The following GABRG3 variants were observed in gnomAD, a reference collection of about 807,000 sequenced individuals.
The protein encoded by GABRG3 is gamma-aminobutyric acid type A receptor subunit gamma3, also known as gamma-aminobutyric acid receptor subunit gamma-3.
A neutral mutation model predicts 48.8 loss-of-function variants in GABRG3; 25 were observed. The ratio of observed to expected loss-of-function variants is 0.51; its 90% CI spans 0.37 to 0.72. The LOEUF (loss-of-function observed/expected upper bound fraction) is 0.72, where lower values mean the gene tolerates loss of function less well. Among genes scored for constraint, GABRG3 ranks in the 30% least tolerant of loss-of-function variants. The pLI is 0.00. For synonymous variants in GABRG3, 227 were observed against 217.6 expected, an observed-to-expected ratio of 1.04 and a Z score of -0.38; for missense variants, 394 against 577.9, an observed-to-expected ratio of 0.68 and a Z score of 3.26.
At chr15:27,482,471 A>C (rs1016435428) in intron 6 of GABRG3, among the ~76,000 whole-genome samples, 5 of 127,424 alleles carry the variant, frequency 3.9e-5, no homozygotes, top group African/African-American at 1.3e-4. Context: ...TTGCTTGCTA[A>C]ATGATTGACA....
intron 3 of GABRG3, among the ~76,000 whole-genome samples, chr15:27,058,085 C>T (rs1566922964): frequency 1.3e-5 from 2 of 152,226 alleles, no homozygotes; most frequent in South Asian, 4.1e-4. Context: ...GGCTGCATTT[C>T]GTGCTCATCT....
At chr15:27,146,833 A>G (rs1450651884) in intron 3 of GABRG3, among the ~76,000 whole-genome samples, 1 of 152,146 alleles carries the variant, frequency 6.6e-6, no homozygotes. Context: ...GTGATGCACT[A>G]TAAAATATTC....
At chr15:27,404,503 T>C (rs960659078) in intron 5 of GABRG3, among the ~76,000 whole-genome samples, 1 of 152,180 alleles carries the variant, frequency 6.6e-6, no homozygotes, top group African/African-American at 2.4e-5. Context: ...GCTCTAGAGC[T>C]TGTGCCTATG....
At chr15:26,977,179 G>C (rs1245886057) in intron 2 of GABRG3, 29 bp downstream of exon 2, 4 of 1,597,642 alleles carry the variant, frequency 2.5e-6, no homozygotes, top group Non-Finnish European at 3.4e-6. Flanking sequence ...TATTCTAATA[G>C]AAAAATATGC....
intron 5 of GABRG3, among the ~76,000 whole-genome samples, chr15:27,388,250 G>A (rs1595721425): frequency 1.6e-5 from 1 of 63,582 alleles, no homozygotes; most frequent in Non-Finnish European, 3.0e-5. Context: ...GGGAGGAAAG[G>A]AAGGAAGGAA....
intron 5 of GABRG3, among the ~76,000 whole-genome samples, chr15:27,355,883 C>A (rs1408763970): frequency 6.6e-6 from 1 of 152,088 alleles, no homozygotes; most frequent in African/African-American, 2.4e-5. Flanking sequence ...CAGTATGATT[C>A]CACTTATATG....
intron 2 of GABRG3, among the ~76,000 whole-genome samples, chr15:27,003,361 T>G (rs372485128): frequency 2.0e-5 from 3 of 151,626 alleles, no homozygotes; most frequent in Non-Finnish European, 4.4e-5. Context: ...TAGGCAGAGG[T>G]CCCTGCGGCC....
In GABRG3 at chr15:27,308,057, CAT is replaced by C. The variant is rs1165478786; in HGVS notation, c.271-18746_271-18745del. ...TATATGTAAATGTATATAATATAAA[CAT>C]ATATAAACATATATGTTTATACATC... is the stretch of plus-strand genomic sequence containing the variant. On this transcript the variant is annotated intron_variant, in intron 3 of 9. Transcript: ENST00000615808. Among the ~76,000 whole-genome samples the C allele has an allele frequency of 2.3e-5, 3 of 131,010 alleles. 1 individual carries two copies. The highest frequency in any genetic ancestry group is 6.0e-5 in the African/African-American group (2 of 33,094). The allele number at this position is 131,010 out of a possible 152,430, so 85.9% of individuals were successfully genotyped here.
intron 3 of GABRG3, among the ~76,000 whole-genome samples, chr15:27,306,093 A>C (rs1262865474): frequency 1.7e-5 from 2 of 118,118 alleles, no homozygotes; most frequent in Non-Finnish European, 3.3e-5. Context: ...ATAAACCTAT[A>C]TGTTTATATA....
At chr15:27,055,610 T>C (rs1183569770) in intron 3 of GABRG3, among the ~76,000 whole-genome samples, 2 of 152,220 alleles carry the variant, frequency 1.3e-5, no homozygotes, top group African/African-American at 4.8e-5. Flanking sequence ...TAAAATTACC[T>C]TCAGGCTACA....
intron 3 of GABRG3, among the ~76,000 whole-genome samples, chr15:27,090,984 A>T (rs533918418): frequency 6.6e-6 from 1 of 152,142 alleles, no homozygotes; most frequent in Admixed American, 6.5e-5. Flanking sequence ...TACTATTTGG[A>T]TGCCTTTTAC....
At chr15:27,308,719 A>AAC (rs1211990271) in intron 3 of GABRG3, among the ~76,000 whole-genome samples, 6 of 149,466 alleles carry the variant, frequency 4.0e-5, no homozygotes, top group African/African-American at 1.2e-4. Context: ...TTTATATGTA[A>AAC]ACATAATGTA....
chr15:27,220,443 G>A (rs1445558548), intron 3 of GABRG3, among the ~76,000 whole-genome samples: 1 of 152,112 alleles, frequency 6.6e-6, no homozygotes, highest in African/African-American at 2.4e-5. Context: ...GCCACAGTAT[G>A]CGGGGCCAGA....
chr15:27,092,098 G>A (rs1897195690), intron 3 of GABRG3, among the ~76,000 whole-genome samples: 1 of 152,090 alleles, frequency 6.6e-6, no homozygotes, highest in African/African-American at 2.4e-5. Context: ...CTTTTACTGT[G>A]GAGTTTAAAG....
intron 2 of GABRG3, among the ~76,000 whole-genome samples, chr15:27,000,404 C>G (rs1895421914): frequency 6.6e-6 from 1 of 152,162 alleles, no homozygotes. Context: ...ACTACTGAGT[C>G]AAGATTTTCC....
intron 6 of GABRG3, among the ~76,000 whole-genome samples, chr15:27,510,929 G>A (rs1391791650): frequency 6.6e-6 from 1 of 152,154 alleles, no homozygotes; most frequent in East Asian, 1.9e-4. Flanking sequence ...TCATAAAAGT[G>A]AATGGTAAGG....
intron 3 of GABRG3, among the ~76,000 whole-genome samples, chr15:27,093,288 A>AT (rs1281775819): frequency 6.6e-6 from 1 of 152,296 alleles, no homozygotes; most frequent in Non-Finnish European, 1.5e-5. Flanking sequence ...CACTTACTGC[A>AT]TGACAGTGAG....
chr15:27,268,261 C>T (rs1327445058), intron 3 of GABRG3, among the ~76,000 whole-genome samples: 1 of 152,054 alleles, frequency 6.6e-6, no homozygotes, highest in Non-Finnish European at 1.5e-5. Flanking sequence ...TGCAATTTGG[C>T]CATTTGTGTT....
rs1040304010 is a variant in GABRG3 at position 27,459,226 on chromosome 15, C to T, written c.575-21424C>T. Among the ~76,000 whole-genome samples, 16 of 152,334 alleles carry T rather than the reference C, an allele frequency of 1.1e-4. No individual in the cohort carries two copies. The South Asian group carries it at 1.7e-3, about 16-fold the overall frequency. ...GTGAGAAAGAGAGCCTTGGCAGGCT[C>T]GGTCCCATACAGTAGAGTCTTGTGT... is the stretch of plus-strand genomic sequence containing the variant. On this transcript the variant is annotated intron_variant, in intron 5 of 9. Coordinates refer to ENST00000615808, the MANE Select transcript of GABRG3 (RefSeq NM_033223.5).
Sources: gnomAD v4.1 joint callset for allele counts (sites outside exome capture counted in the v4.1 genomes callset) on GRCh38, gnomAD v4.1.1 for gene constraint, MANE v1.5 for transcripts, NCBI Gene and HGNC (gene_info 2026-07-23, HGNC 2026-07-21) for gene names.